The following ARMH3 variants were observed in gnomAD, a reference collection of about 807,000 sequenced individuals.
ARMH3 encodes the protein armadillo like helical domain containing 3, also known as armadillo-like helical domain-containing protein 3.
Under a neutral mutation model 99.1 loss-of-function variants are expected in ARMH3, and 60 were observed. The ratio of observed to expected loss-of-function variants is 0.61; its 90% confidence interval spans 0.49 to 0.75. The LOEUF (loss-of-function observed/expected upper bound fraction) is 0.75, where lower values mean the gene tolerates loss of function less well. Among genes scored for constraint, ARMH3 ranks in the 30% least tolerant of loss-of-function variants. The pLI, the probability that ARMH3 is intolerant of heterozygous loss-of-function variation, is 0.00. For missense variants in ARMH3, 679 were observed against 843.1 expected (o/e 0.81, Z 2.41); for synonymous variants, 285 against 292.8 (o/e 0.97, Z 0.27).
At chr10:102,005,873 C>T (rs1368302192) in intron 14 of ARMH3, among the ~76,000 whole-genome samples, 1 of 152,154 alleles carries the variant, frequency 6.6e-6, no homozygotes, top group Non-Finnish European at 1.5e-5. Context: ...ACCAAACTCC[C>T]AATTATAATA....
chr10:101,867,258 C>T (rs781264466), intron 24 of ARMH3, among the ~76,000 whole-genome samples: 13 of 152,256 alleles, frequency 8.5e-5, no homozygotes, highest in African/African-American at 7.2e-5. Context: ...TCTCTGAAAT[C>T]GCAAAGCACC....
Position 101,928,903 on chromosome 10 carries a change from G to A in ARMH3, c.1781+10960C>T, listed in dbSNP as rs778802159. 5.9e-5 allele frequency among the ~76,000 whole-genome samples: 9 copies of A among 151,976 alleles called. 1 individual carries two copies. Among genetic ancestry groups the A allele is most frequent in the African/African-American group, 2.2e-4 (9 of 41,372 alleles). On this transcript the variant is annotated intron_variant, in intron 23 of 25. Coordinates refer to ENST00000370033, the MANE Select transcript of ARMH3 (RefSeq NM_024541.3). ...CCACCACCATGCCCGGCTAATTTTC[G>A]TATTTTTAGTAGAGACAGGGTTTCA... is the stretch of plus-strand genomic sequence containing the variant.
At chr10:101,941,438 T>C (rs996012990) in intron 22 of ARMH3, among the ~76,000 whole-genome samples, 1 of 152,198 alleles carries the variant, frequency 6.6e-6, no homozygotes, top group Admixed American at 6.5e-5. Context: ...GTGACCAATC[T>C]GTATATGACC....
Position 102,002,086 on chromosome 10 carries a change from G to T in ARMH3, c.1049-14C>A. The T allele has an allele frequency of 6.2e-7, 1 of 1,612,938 alleles. No homozygotes were observed. Reference sequence around the variant, plus strand: ...CAGAACTTATAACTGGAATAGAACAGATAAAATGCACTTAGCCTGCAACAT... The same window carrying T: ...CAGAACTTATAACTGGAATAGAACATATAAAATGCACTTAGCCTGCAACAT... On this transcript the variant is annotated splice_polypyrimidine_tract_variant and intron_variant, in intron 14 of 25. Transcript: ENST00000370033.
intron 19 of ARMH3, among the ~76,000 whole-genome samples, chr10:101,988,162 G>A (rs926054078): frequency 1.3e-5 from 2 of 152,244 alleles, no homozygotes; most frequent in Non-Finnish European, 2.9e-5. Flanking sequence ...ATACACCTGG[G>A]AATGTAACAG....
At chr10:101,854,221 T>G (rs1052117202) in intron 24 of ARMH3, among the ~76,000 whole-genome samples, 1 of 152,202 alleles carries the variant, frequency 6.6e-6, no homozygotes, top group Non-Finnish European at 1.5e-5. Context: ...TCACCTAGCC[T>G]CTGTGAGTCT....
chr10:102,025,993 G>A (rs2066992869), intron 5 of ARMH3, among the ~76,000 whole-genome samples: 1 of 152,010 alleles, frequency 6.6e-6, no homozygotes, highest in Non-Finnish European at 1.5e-5. Context: ...CAGGCACACT[G>A]AATAAATGAA....
At chr10:101,964,022 G>A (rs1019943687) in intron 20 of ARMH3, among the ~76,000 whole-genome samples, 1 of 151,730 alleles carries the variant, frequency 6.6e-6, no homozygotes, top group Non-Finnish European at 1.5e-5. Flanking sequence ...GACTACAGGC[G>A]CCCGCCACCA....
chr10:102,039,513 C>T (rs760045248), intron 2 of ARMH3, among the ~76,000 whole-genome samples: 4 of 152,152 alleles, frequency 2.6e-5, no homozygotes, highest in Non-Finnish European at 4.4e-5. Context: ...ATCCCCCACC[C>T]AATTACTAAT....
intron 10 of ARMH3, 43 bp downstream of exon 10, chr10:102,012,790 A>T: frequency 1.3e-6 from 2 of 1,562,396 alleles, no homozygotes; most frequent in South Asian, 2.3e-5. Flanking sequence ...AACCAATTCA[A>T]ATGAAAATCA....
In ARMH3 at chr10:101,996,225, G is replaced by T. The variant is rs557006242; in HGVS notation, c.1151-870C>A. On this transcript the variant is annotated intron_variant, in intron 15 of 25. Transcript: ENST00000370033. ...CCAGCATAGCCAAAACAGACAAATGGCTCATGATTTTCAAATTAGCTTCAA... is the reference window on the plus strand; with the variant it reads ...CCAGCATAGCCAAAACAGACAAATGTCTCATGATTTTCAAATTAGCTTCAA... 1.6e-3 allele frequency among the ~76,000 whole-genome samples: 247 copies of T among 152,266 alleles called. 2 individuals carry two copies. The highest frequency in any genetic ancestry group is 2.2e-3 in the Non-Finnish European group (150 of 68,008).
intron 19 of ARMH3, among the ~76,000 whole-genome samples, chr10:101,984,768 A>C (rs1376446240): frequency 3.3e-5 from 5 of 152,006 alleles, no homozygotes; most frequent in Admixed American, 3.3e-4. Flanking sequence ...TATGGCCTTA[A>C]AAATATATAT....
intron 5 of ARMH3, among the ~76,000 whole-genome samples, chr10:102,027,297 A>T (rs2136185750): frequency 6.6e-6 from 1 of 151,660 alleles, no homozygotes; most frequent in South Asian, 2.1e-4. Context: ...AAAAAAAAAA[A>T]GAATGAATGA....
chr10:101,847,715 C>A, intron 25 of ARMH3, 95 bp from the exon 26 acceptor site: 1 of 1,087,382 alleles, frequency 9.2e-7, no homozygotes, highest in Non-Finnish European at 1.4e-6. Context: ...GCCTGCTACA[C>A]GGGGCACTAG....
intron 21 of ARMH3, 112 bp downstream of exon 21, chr10:101,957,538 G>C: frequency 1.7e-6 from 2 of 1,199,414 alleles, no homozygotes; most frequent in Non-Finnish European, 2.3e-6. Context: ...ATATATATAG[G>C]TCTGGTTCCC....
rs35926257 is a variant in ARMH3 at position 101,985,078 on chromosome 10, T to TACAC, written c.1406+5469_1406+5472dup. ...AAGAGACTCCATCTAAAAATATATA[T>TACAC]ACACACACACACACACACACACACA... On this transcript the variant is annotated intron_variant, in intron 19 of 25. Coordinates refer to ENST00000370033, the MANE Select transcript of ARMH3 (RefSeq NM_024541.3). 5.0e-3 allele frequency among the ~76,000 whole-genome samples: 687 copies of TACAC among 136,192 alleles called. 2 individuals carry two copies. Among genetic ancestry groups the TACAC allele is most frequent in the African/African-American group, 6.5e-3 (237 of 36,626 alleles). 89.3% of individuals were successfully genotyped at this position (136,192 alleles called of 152,430 possible). A position where few individuals can be genotyped will look rare whatever the true frequency, so the allele number is the denominator to read the frequency against.
intron 23 of ARMH3, among the ~76,000 whole-genome samples, chr10:101,927,812 C>T (rs1843567568): frequency 6.6e-6 from 1 of 152,202 alleles, no homozygotes; most frequent in African/African-American, 2.4e-5. Context: ...GTGGCTCACG[C>T]CTATAATCCC....
At chr10:102,048,042 G>T (rs546947467) in intron 1 of ARMH3, among the ~76,000 whole-genome samples, 1 of 152,268 alleles carries the variant, frequency 6.6e-6, no homozygotes, top group Non-Finnish European at 1.5e-5. Flanking sequence ...CCTGCCCCAA[G>T]TAATTCTGAT....
intron 1 of ARMH3, among the ~76,000 whole-genome samples, chr10:102,043,894 T>C (rs1336125631): frequency 6.6e-6 from 1 of 152,194 alleles, no homozygotes; most frequent in Non-Finnish European, 1.5e-5. Context: ...CTGTCACTTC[T>C]CTCTGGAAGA....
Sources: gnomAD v4.1 joint callset for allele counts (sites outside exome capture counted in the v4.1 genomes callset) on GRCh38, gnomAD v4.1.1 for gene constraint, MANE v1.5 for transcripts, NCBI Gene and HGNC (gene_info 2026-07-23, HGNC 2026-07-21) for gene names.